The following COX15 variants were observed in gnomAD, a reference collection of about 807,000 sequenced individuals.
COX15 encodes the protein cytochrome c oxidase assembly factor COX15.
In COX15, 51 loss-of-function variants were observed where a neutral mutation model predicts 51.9. The ratio of observed to expected loss-of-function variants is 0.98; its 90% CI spans 0.78 to 1.24. The LOEUF (loss-of-function observed/expected upper bound fraction) is 1.24. Ranked by LOEUF, COX15 falls within the 50% of genes most tolerant of loss-of-function variation. COX15 has a pLI of 0.00. For missense variants in COX15, 420 were observed against 501.1 expected, an observed-to-expected ratio of 0.84 and a Z score of 1.55; for synonymous variants, 188 against 190.5, an observed-to-expected ratio of 0.99 and a Z score of 0.11.
At chr10:99,710,197 A>T, downstream of COX15, 1 of 985,348 alleles carries the variant, frequency 1.0e-6, no homozygotes, top group Non-Finnish European at 1.2e-6. Flanking sequence ...CCTACAGAGC[A>T]CTTGCCGGCA....
At chr10:99,698,997 T>G in the COX15 span, 2 of 754,716 alleles carry the variant, frequency 2.7e-6, no homozygotes, top group Non-Finnish European at 4.2e-6. Flanking sequence ...AACACTCATT[T>G]TACAGATGAG....
Position 99,711,774 on chromosome 10 carries a change from A to C in COX15, c.*2813T>G. ...AGCCAGGGTCCAGCATTTATGAAAA[A>C]TTGACAAACTGTTTTGCTAAGAATC... On this transcript the variant is annotated 3_prime_UTR_variant, in exon 9 of 9. Coordinates refer to ENST00000016171, the MANE Select transcript of COX15 (RefSeq NM_078470.6). 1 of 985,458 alleles carries C rather than the reference A, an allele frequency of 1.0e-6. No individual in the cohort carries two copies. Among genetic ancestry groups the C allele is most frequent in the Non-Finnish European group, 1.2e-6 (1 of 829,942 alleles). The allele number at this position is 985,458 out of a possible 1,614,324, so 61.0% of individuals were successfully genotyped here.
At chr10:99,704,250 G>T in the COX15 span, among the ~76,000 whole-genome samples, 1 of 152,126 alleles carries the variant, frequency 6.6e-6, no homozygotes, top group Non-Finnish European at 1.5e-5. Context: ...GTCCCTTCTG[G>T]GGGCCGTGGG....
At chr10:99,707,865 C>CTT (rs1164144306), downstream of COX15, among the ~76,000 whole-genome samples, 1 of 152,168 alleles carries the variant, frequency 6.6e-6, no homozygotes, top group Non-Finnish European at 1.5e-5. Flanking sequence ...TCTCTCTGTA[C>CTT]TTTAGCTCCT....
At chr10:99,697,878 C>A in the COX15 span, 2 of 153,600 alleles carry the variant, frequency 1.3e-5, no homozygotes, top group African/African-American at 4.8e-5. Context: ...TCATACTCAT[C>A]ATTTTGAGGA....
chr10:99,712,306 G>A lies in COX15; in HGVS notation c.*2281C>T, dbSNP rs1386680735. 6.1e-6 allele frequency: 6 copies of A among 985,232 alleles called. No individual in the cohort carries two copies. The highest frequency in any genetic ancestry group is 4.7e-5 in the South Asian group (1 of 21,290). The allele number at this position is 985,232 out of a possible 1,614,324, so 61.0% of individuals were successfully genotyped here. ...GAGATCACCTAGTTCAGAGACTAAC[G>A]GGAAACGTTAGGTCATTTATGGCTC... is the stretch of plus-strand genomic sequence containing the variant. On this transcript the variant is annotated 3_prime_UTR_variant, in exon 9 of 9. Coordinates refer to ENST00000016171, the MANE Select transcript of COX15 (RefSeq NM_078470.6).
chr10:99,727,579 A>G lies in COX15; in HGVS notation c.273-16T>C. On this transcript the variant is annotated splice_polypyrimidine_tract_variant and intron_variant, in intron 2 of 8. Transcript: ENST00000016171. ...CTCTGTCAACCTTAGGATAGGAAAGAAATTTTGGGGTGTATGCGTGAGGCT... is the reference window on the plus strand; with the variant it reads ...CTCTGTCAACCTTAGGATAGGAAAGGAATTTTGGGGTGTATGCGTGAGGCT... 1 of 1,612,878 alleles carries G rather than the reference A, an allele frequency of 6.2e-7. No individual in the cohort carries two copies.
At chr10:99,707,620 G>C (rs929704667), downstream of COX15, among the ~76,000 whole-genome samples, 2 of 152,172 alleles carry the variant, frequency 1.3e-5, no homozygotes, top group African/African-American at 4.8e-5. Context: ...CTTGTTAACA[G>C]AGACAATGAA....
At chr10:99,708,134 C>T (rs2036288523), downstream of COX15, among the ~76,000 whole-genome samples, 1 of 152,152 alleles carries the variant, frequency 6.6e-6, no homozygotes, top group Admixed American at 6.5e-5. Flanking sequence ...TCTATTTATT[C>T]TCCAAATGTC....
chr10:99,714,715 C>T lies in COX15; in HGVS notation c.1105G>A (p.Gly369Ser). ...ATCAGCAGCGTGCTGATGCCCAAGC[C>T]CACCTGTCACAAAGGAAAGAAGGCA... is the stretch of plus-strand genomic sequence containing the variant. ...TLLALAYTQV[G>S]LGISTLLMYV... The change falls in exon 9 of 9, where the codon GGC (glycine) becomes AGC (serine). Residue 369 changes from glycine to serine, a missense_variant. Transcript: ENST00000016171. 1 of 1,613,122 alleles carries T rather than the reference C, an allele frequency of 6.2e-7. No homozygotes were observed. The highest frequency in any genetic ancestry group is 8.5e-7 in the Non-Finnish European group (1 of 1,180,002).
intron 3 of COX15, 67 bp from the exon 4 acceptor site, chr10:99,727,221 G>A: frequency 6.4e-7 from 1 of 1,569,648 alleles, no homozygotes; most frequent in Non-Finnish European, 8.7e-7. Context: ...TTTTCTTACG[G>A]AATGCAAAAC....
rs1564643423 is a variant in COX15 at position 99,713,418 on chromosome 10, A to T, written c.*1169T>A. Reference sequence around the variant, plus strand: ...TTGGGTTGCTCCATCCTCAAATCAGATGTTTCTGATGCCTTCATCCAAATC... The same window carrying T: ...TTGGGTTGCTCCATCCTCAAATCAGTTGTTTCTGATGCCTTCATCCAAATC... On this transcript the variant is annotated 3_prime_UTR_variant, in exon 9 of 9. Coordinates refer to ENST00000016171, the MANE Select transcript of COX15 (RefSeq NM_078470.6). 1 of 1,613,966 alleles carries T rather than the reference A, an allele frequency of 6.2e-7. No homozygotes were observed. Among genetic ancestry groups the T allele is most frequent in the South Asian group, 1.1e-5 (1 of 91,072 alleles).
Position 99,712,214 on chromosome 10 carries a change from T to C in COX15, c.*2373A>G, listed in dbSNP as rs1467615474. On this transcript the variant is annotated 3_prime_UTR_variant, in exon 9 of 9. Coordinates refer to ENST00000016171, the MANE Select transcript of COX15 (RefSeq NM_078470.6). ...GAGGGGACAAAACATCCAAACCATA[T>C]CACCACCTGAGAATGGTACACTACA... The C allele has an allele frequency of 5.1e-6, 5 of 984,562 alleles. No individual in the cohort carries two copies. Among genetic ancestry groups the C allele is most frequent in the Middle Eastern group, 5.2e-4 (1 of 1,912 alleles). 61.0% of individuals were successfully genotyped at this position (984,562 alleles called of 1,614,324 possible). A position where few individuals can be genotyped will look rare whatever the true frequency, so the allele number is the denominator to read the frequency against.
At chr10:99,722,589 T>C (rs1448133325) in intron 5 of COX15, among the ~76,000 whole-genome samples, 1 of 151,986 alleles carries the variant, frequency 6.6e-6, no homozygotes, top group Non-Finnish European at 1.5e-5. Flanking sequence ...TCCCAGAACT[T>C]TGGGAGGCCG....
At chr10:99,717,997 G>A (rs115350509) in intron 7 of COX15, among the ~76,000 whole-genome samples, 140 of 152,296 alleles carry the variant, frequency 9.2e-4, no homozygotes, top group African/African-American at 3.3e-3. Context: ...TATGGTCTCC[G>A]CATTCGCTTC....
the COX15 span, chr10:99,700,856 T>G: frequency 2.2e-5 from 18 of 809,548 alleles, no homozygotes; most frequent in Admixed American, 1.6e-4. Context: ...ATTTCTGTTT[T>G]CCTTTGTCAG....
chr10:99,729,872 A>G (rs2037083415), intron 1 of COX15, 138 bp from the exon 2 acceptor site: 1 of 873,882 alleles, frequency 1.1e-6, no homozygotes, highest in Non-Finnish European at 1.8e-6. Context: ...TCTTATCTGG[A>G]TTACTGCATC....
chr10:99,698,496 C>A, the COX15 span: 1 of 1,472,892 alleles, frequency 6.8e-7, no homozygotes, highest in Non-Finnish European at 9.4e-7. Context: ...ACAGGCATGA[C>A]GTGTTTGTTT....
In COX15 at chr10:99,714,316, G is replaced by C. The variant is rs996429493; in HGVS notation, c.*271C>G. 8.9e-6 allele frequency: 11 copies of C among 1,240,284 alleles called. No individual in the cohort carries two copies. The African/African-American group carries it at 1.1e-4, about 12-fold the overall frequency. 76.8% of individuals were successfully genotyped at this position (1,240,284 alleles called of 1,614,324 possible). On this transcript the variant is annotated 3_prime_UTR_variant, in exon 9 of 9. Transcript: ENST00000016171. ...CACTGAAAAACCTGACACAAAGCCT[G>C]TTAAGCAGCAAATGGCAGACATTTC...
Sources: allele counts gnomAD v4.1 joint callset (sites outside exome capture counted in the v4.1 genomes callset), GRCh38; gene constraint gnomAD v4.1.1; transcripts MANE v1.5; gene names NCBI Gene and HGNC (gene_info 2026-07-23, HGNC 2026-07-21).